ELMO1: variants seen among roughly 807,000 people sequenced by gnomAD.
ELMO1 encodes the protein engulfment and cell motility 1, also known as engulfment and cell motility protein 1.
A neutral mutation model predicts 98.9 loss-of-function variants in ELMO1; 26 were observed. The ratio of observed to expected loss-of-function variants is 0.26; its 90% CI spans 0.19 to 0.36. The LOEUF (loss-of-function observed/expected upper bound fraction) is 0.36, where lower values mean the gene tolerates loss of function less well. ELMO1 is among the 10% of genes least tolerant of loss of function. The pLI is 1.00. For synonymous variants in ELMO1, 346 were observed against 346.0 expected, an observed-to-expected ratio of 1.00 and a Z score of 0.00; for missense variants, 627 against 935.2, an observed-to-expected ratio of 0.67 and a Z score of 4.30.
intron 4 of ELMO1, among the ~76,000 whole-genome samples, chr7:37,304,842 A>G (rs1343857877): frequency 1.3e-5 from 2 of 152,154 alleles, no homozygotes; most frequent in Non-Finnish European, 2.9e-5. Flanking sequence ...TTTTGTTTTA[A>G]GTGGCTTGTT....
At chr7:37,000,824 T>C (rs963944374) in intron 16 of ELMO1, among the ~76,000 whole-genome samples, 2 of 151,864 alleles carry the variant, frequency 1.3e-5, no homozygotes, top group Non-Finnish European at 2.9e-5. Context: ...GGAAAAACAG[T>C]GCTCCTGGAA....
intron 1 of ELMO1, among the ~76,000 whole-genome samples, chr7:37,348,970 T>C (rs1801136573): frequency 6.6e-6 from 1 of 152,196 alleles, no homozygotes; most frequent in South Asian, 2.1e-4. Flanking sequence ...CAGTAAACCC[T>C]ACTGAGAAAA....
intron 16 of ELMO1, among the ~76,000 whole-genome samples, chr7:36,979,181 T>G (rs1161445774): frequency 6.6e-6 from 1 of 152,058 alleles, no homozygotes; most frequent in Non-Finnish European, 1.5e-5. Context: ...AGAGAGAAAC[T>G]TCCATGGCAA....
chr7:37,427,043 T>G (rs1227979750), intron 1 of ELMO1, among the ~76,000 whole-genome samples: 1 of 151,504 alleles, frequency 6.6e-6, no homozygotes, highest in Non-Finnish European at 1.5e-5. Flanking sequence ...AATCACAAAC[T>G]AACCTTTGCA....
chr7:37,074,312 C>T (rs1165016167), intron 15 of ELMO1, among the ~76,000 whole-genome samples: 6 of 151,754 alleles, frequency 4.0e-5, no homozygotes, highest in African/African-American at 1.5e-4. Context: ...CAAAGGATTA[C>T]TGTGGGTAAA....
At chr7:36,952,235 G>T (rs1434578543) in intron 16 of ELMO1, among the ~76,000 whole-genome samples, 2 of 152,188 alleles carry the variant, frequency 1.3e-5, no homozygotes. Context: ...AGGCAGATTT[G>T]AAAGGAATCA....
chr7:37,065,957 G>C (rs942782991), intron 15 of ELMO1, among the ~76,000 whole-genome samples: 2 of 152,092 alleles, frequency 1.3e-5, no homozygotes, highest in Non-Finnish European at 1.5e-5. Context: ...CTGAATCATG[G>C]GGCAGCTGCC....
At chr7:37,100,035 T>C (rs1011162620) in intron 14 of ELMO1, among the ~76,000 whole-genome samples, 2 of 152,136 alleles carry the variant, frequency 1.3e-5, no homozygotes, top group Non-Finnish European at 2.9e-5. Flanking sequence ...GGTTTCACCA[T>C]GTTGGCCGAG....
intron 14 of ELMO1, among the ~76,000 whole-genome samples, chr7:37,122,867 T>C (rs1050581700): frequency 3.3e-5 from 5 of 152,108 alleles, no homozygotes; most frequent in Admixed American, 1.3e-4. Flanking sequence ...TAGTCCAAAA[T>C]TGACCACATA....
At chr7:37,010,776 T>C (rs1020453314) in intron 16 of ELMO1, among the ~76,000 whole-genome samples, 2 of 152,158 alleles carry the variant, frequency 1.3e-5, no homozygotes, top group African/African-American at 2.4e-5. Flanking sequence ...ATTTGTTGTA[T>C]CAGCAACAGA....
intron 15 of ELMO1, among the ~76,000 whole-genome samples, chr7:37,048,899 A>G (rs1436030628): frequency 1.3e-5 from 2 of 152,260 alleles, no homozygotes; most frequent in East Asian, 1.9e-4. Flanking sequence ...ACATTTCTTG[A>G]TGTGGGCAGC....
intron 16 of ELMO1, among the ~76,000 whole-genome samples, chr7:36,922,721 T>G (rs1785246266): frequency 6.6e-6 from 1 of 152,166 alleles, no homozygotes. Flanking sequence ...CAGGCAATAG[T>G]AAGTGTTCCC....
intron 13 of ELMO1, among the ~76,000 whole-genome samples, chr7:37,169,174 G>T (rs1052570806): frequency 1.3e-5 from 2 of 152,120 alleles, no homozygotes; most frequent in African/African-American, 2.4e-5. Context: ...CTGGTGCGCC[G>T]TTTTTTAAGC....
chr7:37,087,349 T>C (rs536442513), intron 15 of ELMO1, among the ~76,000 whole-genome samples: 81 of 152,320 alleles, frequency 5.3e-4, no homozygotes, highest in African/African-American at 1.9e-3. Flanking sequence ...CAGCATCATA[T>C]AGCATCCCAG....
intron 15 of ELMO1, among the ~76,000 whole-genome samples, chr7:37,034,391 A>C (rs1054241532): frequency 2.0e-5 from 3 of 152,118 alleles, no homozygotes; most frequent in Non-Finnish European, 4.4e-5. Flanking sequence ...TGGCCTCTGT[A>C]ATCATGATTT....
intron 13 of ELMO1, among the ~76,000 whole-genome samples, chr7:37,142,067 T>C (rs1236586220): frequency 1.3e-5 from 2 of 152,200 alleles, no homozygotes; most frequent in Non-Finnish European, 2.9e-5. Flanking sequence ...GTTTTTAAAA[T>C]ACTAGAGAAC....
At chr7:37,077,023 A>G (rs1393227413) in intron 15 of ELMO1, among the ~76,000 whole-genome samples, 3 of 152,188 alleles carry the variant, frequency 2.0e-5, no homozygotes, top group African/African-American at 7.2e-5. Flanking sequence ...ACTTTCTAAC[A>G]AAACTGTCTT....
intron 17 of ELMO1, among the ~76,000 whole-genome samples, chr7:36,893,835 G>A (rs1805764707): frequency 6.6e-6 from 1 of 152,132 alleles, no homozygotes. Flanking sequence ...GGGACGTAAA[G>A]AAATGAAATA....
chr7:37,047,151 C>T (rs947748211), intron 15 of ELMO1, among the ~76,000 whole-genome samples: 1 of 152,224 alleles, frequency 6.6e-6, no homozygotes, highest in Non-Finnish European at 1.5e-5. Flanking sequence ...AGAGCTATGG[C>T]TGGCTCACCT....
Sources: allele counts gnomAD v4.1 joint callset (sites outside exome capture counted in the v4.1 genomes callset), GRCh38; gene constraint gnomAD v4.1.1; transcripts MANE v1.5; gene names NCBI Gene and HGNC (gene_info 2026-07-23, HGNC 2026-07-21).